The following RBFOX1 variants were observed in gnomAD, a reference collection of about 807,000 sequenced individuals.
RBFOX1 encodes the protein RNA binding protein fox-1 homolog 1.
A neutral mutation model predicts 57.7 loss-of-function variants in RBFOX1; 8 were observed. The observed-to-expected ratio is 0.14, with a 90% CI of 0.08 to 0.25. The LOEUF is 0.25. Among genes scored for constraint, RBFOX1 ranks in the 10% least tolerant of loss-of-function variants. The pLI, the probability that RBFOX1 is intolerant of heterozygous loss-of-function variation, is 1.00. For synonymous variants in RBFOX1, 326 were observed against 222.4 expected (o/e 1.47, Z -4.15); for missense variants, 611 against 548.5 (o/e 1.11, Z -1.14).
chr16:7,137,166 C>G (rs1010187126), intron 4 of RBFOX1, among the ~76,000 whole-genome samples: 1 of 152,146 alleles, frequency 6.6e-6, no homozygotes, highest in Non-Finnish European at 1.5e-5. Context: ...CATCTGAGTC[C>G]AGCTGCAAAG....
intron 3 of RBFOX1, among the ~76,000 whole-genome samples, chr16:6,697,556 C>T (rs1354586836): frequency 6.6e-6 from 1 of 152,188 alleles, no homozygotes; most frequent in Admixed American, 6.5e-5. Context: ...TCCATTCTCA[C>T]TGGAGCAGCT....
chr16:6,581,198 A>G (rs567927823), intron 2 of RBFOX1, among the ~76,000 whole-genome samples: 11 of 152,234 alleles, frequency 7.2e-5, no homozygotes, highest in Admixed American at 5.9e-4. Flanking sequence ...AGCATCTTCA[A>G]GTAGGATTTC....
chr16:7,291,030 T>C (rs537873576), intron 4 of RBFOX1, among the ~76,000 whole-genome samples: 22 of 152,352 alleles, frequency 1.4e-4, no homozygotes, highest in African/African-American at 5.3e-4. Context: ...CTGGGATTTG[T>C]ACATTCATAT....
intron 4 of RBFOX1, among the ~76,000 whole-genome samples, chr16:7,297,587 G>T (rs2141868389): frequency 6.6e-6 from 1 of 152,212 alleles, no homozygotes; most frequent in South Asian, 2.1e-4. Context: ...CAACTCAGTA[G>T]TGGCTTTAAG....
At chr16:7,153,529 G>A (rs1331466852) in intron 4 of RBFOX1, among the ~76,000 whole-genome samples, 1 of 151,606 alleles carries the variant, frequency 6.6e-6, no homozygotes, top group Non-Finnish European at 1.5e-5. Flanking sequence ...AAGGTCAAGA[G>A]ATCGAGACCA....
chr16:7,709,594 C>G (rs930453164), intron 15 of RBFOX1: 2 of 1,531,268 alleles, frequency 1.3e-6, no homozygotes, highest in South Asian at 1.2e-5. Flanking sequence ...CTCTCCTCCC[C>G]TATTACAATT....
chr16:7,113,823 T>C (rs540315478), intron 4 of RBFOX1, among the ~76,000 whole-genome samples: 3 of 152,284 alleles, frequency 2.0e-5, no homozygotes, highest in African/African-American at 7.2e-5. Context: ...CTGATGGACA[T>C]TAAAGTGGCC....
intron 4 of RBFOX1, among the ~76,000 whole-genome samples, chr16:5,914,632 C>G (rs528514623): frequency 2.0e-4 from 31 of 152,290 alleles, no homozygotes; most frequent in African/African-American, 7.2e-4. Context: ...CGAGGTGGCT[C>G]ATGCCTGTAA....
At chr16:5,421,522 G>C (rs2067326194) in intron 1 of RBFOX1, among the ~76,000 whole-genome samples, 1 of 152,118 alleles carries the variant, frequency 6.6e-6, no homozygotes, top group Non-Finnish European at 1.5e-5. Context: ...AGTCTCAGGA[G>C]GATCTTGGCC....
At chr16:5,645,247 C>G (rs1184048298) in intron 3 of RBFOX1, among the ~76,000 whole-genome samples, 1 of 129,292 alleles carries the variant, frequency 7.7e-6, no homozygotes, top group Non-Finnish European at 1.6e-5. Context: ...GAAGTTCCAT[C>G]TCAAAAAAAC....
At chr16:5,867,402 G>A (rs1308547752) in intron 4 of RBFOX1, 5 of 975,554 alleles carry the variant, frequency 5.1e-6, no homozygotes, top group Non-Finnish European at 1.3e-6. Context: ...GTGATGGAGT[G>A]TAACGAGCAT....
chr16:6,831,099 T>G (rs565859480), intron 3 of RBFOX1, among the ~76,000 whole-genome samples: 2 of 152,222 alleles, frequency 1.3e-5, no homozygotes, highest in Non-Finnish European at 2.9e-5. Flanking sequence ...CTGGATAGAT[T>G]CATACTACTC....
At chr16:5,554,279 T>C (rs1226299836) in intron 2 of RBFOX1, among the ~76,000 whole-genome samples, 2 of 152,126 alleles carry the variant, frequency 1.3e-5, no homozygotes, top group Non-Finnish European at 2.9e-5. Flanking sequence ...CCTTTTTCTA[T>C]GTATTCTATT....
intron 2 of RBFOX1, among the ~76,000 whole-genome samples, chr16:6,393,169 G>A (rs2092681019): frequency 1.3e-5 from 2 of 152,202 alleles, no homozygotes; most frequent in Admixed American, 1.3e-4. Context: ...TGGAGCTGGT[G>A]TGAATTTTAC....
intron 3 of RBFOX1, among the ~76,000 whole-genome samples, chr16:5,716,990 G>A (rs2051726681): frequency 6.6e-6 from 1 of 152,076 alleles, no homozygotes; most frequent in African/African-American, 2.4e-5. Flanking sequence ...GTTTCCTCCT[G>A]GCATAGGGAG....
At chr16:6,926,438 C>T (rs1287979859) in intron 3 of RBFOX1, among the ~76,000 whole-genome samples, 1 of 152,234 alleles carries the variant, frequency 6.6e-6, no homozygotes, top group Non-Finnish European at 1.5e-5. Flanking sequence ...TTTCCCCTGC[C>T]TCCTGATCGG....
At chr16:7,215,173 C>A (rs967879483) in intron 4 of RBFOX1, among the ~76,000 whole-genome samples, 11 of 152,280 alleles carry the variant, frequency 7.2e-5, no homozygotes, top group African/African-American at 2.6e-4. Context: ...GTTTTCTGTT[C>A]CTGTGTTAGT....
At chr16:6,025,593 C>T (rs1299800434) in intron 1 of RBFOX1, among the ~76,000 whole-genome samples, 1 of 152,196 alleles carries the variant, frequency 6.6e-6, no homozygotes, top group African/African-American at 2.4e-5. Context: ...ACCCTGAGAA[C>T]AGTTGCACTC....
At chr16:7,411,635 G>A (rs1312600276) in intron 4 of RBFOX1, among the ~76,000 whole-genome samples, 1 of 152,184 alleles carries the variant, frequency 6.6e-6, no homozygotes, top group African/African-American at 2.4e-5. Context: ...CAGGCGTGGT[G>A]GCTCACACCT....
Sources: gnomAD v4.1 joint callset for allele counts (sites outside exome capture counted in the v4.1 genomes callset) on GRCh38, gnomAD v4.1.1 for gene constraint, MANE v1.5 for transcripts, NCBI Gene and HGNC (gene_info 2026-07-23, HGNC 2026-07-21) for gene names.